The following DOT1L variants were observed in gnomAD, a reference collection of about 807,000 sequenced individuals.
The protein encoded by DOT1L is histone-lysine N-methyltransferase, H3 lysine-79 specific.
A neutral mutation model predicts 153.3 loss-of-function variants in DOT1L; 33 were observed. The ratio of observed to expected loss-of-function variants is 0.22; its 90% CI spans 0.16 to 0.29. DOT1L has a LOEUF of 0.29. DOT1L is among the 10% of genes least tolerant of loss of function. The pLI, the probability that DOT1L is intolerant of heterozygous loss-of-function variation, is 1.00. For synonymous variants in DOT1L, 1,135 were observed against 965.1 expected, an observed-to-expected ratio of 1.18 and a Z score of -3.26; for missense variants, 1,847 against 2,119.9, an observed-to-expected ratio of 0.87 and a Z score of 2.53.
At chr19:2,223,756 G>T (rs2024221087) in intron 25 of DOT1L, among the ~76,000 whole-genome samples, 1 of 152,334 alleles carries the variant, frequency 6.6e-6, no homozygotes, top group East Asian at 1.9e-4. Flanking sequence ...GAGCGCAGCA[G>T]GAGAGAAGCT....
Position 2,191,330 on chromosome 19 carries a change from A to T in DOT1L, c.493+90A>T. The T allele has an allele frequency of 7.3e-7, 1 of 1,366,404 alleles. No homozygotes were observed. The highest frequency in any genetic ancestry group is 2.3e-5 in the East Asian group (1 of 43,498). 84.6% of individuals were successfully genotyped at this position (1,366,404 alleles called of 1,614,324 possible). A position where few individuals can be genotyped will look rare whatever the true frequency, so the allele number is the denominator to read the frequency against. ...ATGCCTGCTTGGAGAAGAGTTTATC[A>T]GGGACTTGCGACGTTGGCGTGGACA... On this transcript the variant is annotated intron_variant, in intron 5 of 27. Coordinates refer to ENST00000398665, the MANE Select transcript of DOT1L (RefSeq NM_032482.3). This position sits in a 1 kb window ranked among gnomAD's most constrained non-coding sequence, Gnocchi z 6.8.
In DOT1L at chr19:2,216,703, G is replaced by T; in HGVS notation, c.2346G>T (p.Arg782Ser). The part of the protein sequence containing the change: ...TRLSPAKIVL[R>S]RHLSQDHTVP... Reference sequence around the variant, plus strand: ...TGTCCCCGGCCAAGATTGTGCTGAGGCGGCACCTGAGCCAGGACCACACGG... The same window carrying T: ...TGTCCCCGGCCAAGATTGTGCTGAGTCGGCACCTGAGCCAGGACCACACGG... Residue 782 changes from arginine to serine, a missense_variant, in exon 20 of 28, where the codon AGG becomes AGT. This residue lies in a region of DOT1L where 281 missense variants were observed against 263.6 expected (regional missense o/e 1.07). Transcript: ENST00000398665. 6.2e-7 allele frequency: 1 copy of T among 1,602,236 alleles called. No homozygotes were observed. Among genetic ancestry groups the T allele is most frequent in the Non-Finnish European group, 8.5e-7 (1 of 1,179,674 alleles).
intron 2 of DOT1L, among the ~76,000 whole-genome samples, chr19:2,183,783 T>C (rs1031689179): frequency 6.6e-6 from 1 of 151,920 alleles, no homozygotes; most frequent in Non-Finnish European, 1.5e-5. Context: ...CCCGTCACCA[T>C]GCCCAGCAAA....
intron 1 of DOT1L, among the ~76,000 whole-genome samples, chr19:2,179,683 A>G (rs922468715): frequency 6.6e-6 from 1 of 152,110 alleles, no homozygotes; most frequent in African/African-American, 2.4e-5. Context: ...GGCTCATGCC[A>G]GTAATCCCAG....
In DOT1L at chr19:2,217,040, C is replaced by A. The variant is rs986823780; in HGVS notation, c.2494C>A (p.Pro832Thr). Reference sequence around the variant, plus strand: ...GAAGCTGAGCCCTCAGGACCCGCGGCCCCTGTCCCCTGGGGCCTTGCAGCT... The same window carrying A: ...GAAGCTGAGCCCTCAGGACCCGCGGACCCTGTCCCCTGGGGCCTTGCAGCT... ...SMKLSPQDPR[P>T]LSPGALQLAG... is the part of the protein sequence containing the mutation. The change falls in exon 21 of 28, where the codon CCC becomes ACC. Residue 832 changes from proline (P) to threonine (T), a missense_variant. By Grantham distance (38) the Pro-to-Thr change is conservative. Transcript: ENST00000398665. The surrounding 1 kb of genome is among the most constrained non-coding windows in gnomAD (Gnocchi z 7.3). 1.2e-6 allele frequency: 2 copies of A among 1,612,218 alleles called. No homozygotes were observed. Among genetic ancestry groups the A allele is most frequent in the African/African-American group, 2.7e-5 (2 of 74,910 alleles).
chr19:2,180,863 T>C, intron 2 of DOT1L, 107 bp downstream of exon 2: 4 of 1,347,848 alleles, frequency 3.0e-6, no homozygotes, highest in Non-Finnish European at 3.1e-6. Context: ...AGGGGTGGAC[T>C]CCTGGAGGTG....
chr19:2,210,367 G>A (rs1486352878), intron 12 of DOT1L, 33 bp from the exon 13 acceptor site: 1 of 1,482,328 alleles, frequency 6.7e-7, no homozygotes, highest in Admixed American at 2.4e-5. Context: ...GCAGCGCTGG[G>A]GCTTCCTGTG....
At chr19:2,228,142 C>G in intron 27 of DOT1L, 1 of 1,364,970 alleles carries the variant, frequency 7.3e-7, no homozygotes, top group Non-Finnish European at 9.8e-7. Flanking sequence ...GCTAACGCCT[C>G]TTTGTCTATC....
Position 2,173,309 on chromosome 19 carries a change from A to G in DOT1L, c.82-7404A>G, listed in dbSNP as rs893201564. 2.0e-4 allele frequency among the ~76,000 whole-genome samples: 31 copies of G among 152,102 alleles called. 1 individual carries two copies. Among genetic ancestry groups the G allele is most frequent in the Admixed American group, 2.0e-3 (31 of 15,268 alleles). ...GTGTCTGTCAGCCTGTGCTCAGACGAGGGCGAGGAGAGTTCTGGTCAGCGC... is the reference window on the plus strand; with the variant it reads ...GTGTCTGTCAGCCTGTGCTCAGACGGGGGCGAGGAGAGTTCTGGTCAGCGC... On this transcript the variant is annotated intron_variant, in intron 1 of 27. Transcript: ENST00000398665.
At chr19:2,181,162 G>A (rs184070304) in intron 2 of DOT1L, among the ~76,000 whole-genome samples, 3 of 152,312 alleles carry the variant, frequency 2.0e-5, no homozygotes, top group East Asian at 1.9e-4. Flanking sequence ...TCCTGTCCTC[G>A]TAAGCTCCAG....
rs780744715 is a variant in DOT1L, at chr19:2,230,690, T to A, written c.*898T>A. 5.0e-6 allele frequency: 2 copies of A among 397,914 alleles called. No homozygotes were observed. Among genetic ancestry groups the A allele is most frequent in the Non-Finnish European group, 8.8e-6 (2 of 226,056 alleles). The allele number at this position is 397,914 out of a possible 1,614,324, so 24.6% of individuals were successfully genotyped here. The stretch of plus-strand genomic sequence containing the variant: ...TGAGAATTTATAAATTTCATAGATT[T>A]GACAGCTTTTATTTTTAGATGGTAT... On this transcript the variant is annotated 3_prime_UTR_variant, in exon 28 of 28. Coordinates refer to ENST00000398665, the MANE Select transcript of DOT1L (RefSeq NM_032482.3).
chr19:2,200,851 T>C (rs1228142149), intron 8 of DOT1L, among the ~76,000 whole-genome samples: 1 of 104,898 alleles, frequency 9.5e-6, no homozygotes, highest in Admixed American at 1.0e-4. Flanking sequence ...CGTCCTCCCC[T>C]CATTCCTCAT....
intron 7 of DOT1L, 51 bp from the exon 8 acceptor site, chr19:2,199,833 G>C: frequency 6.7e-7 from 1 of 1,497,424 alleles, no homozygotes. Context: ...GGGCGGGCTG[G>C]GAGTGCCAGG....
Position 2,200,225 on chromosome 19 carries a change from C to T in DOT1L, c.707+286C>T, listed in dbSNP as rs920919190. Among the ~76,000 whole-genome samples the T allele has an allele frequency of 3.9e-5, 6 of 152,050 alleles. No individual in the cohort carries two copies. In the South Asian group the frequency reaches 6.2e-4, roughly 16 times the overall value. On this transcript the variant is annotated intron_variant, in intron 8 of 27. Coordinates refer to ENST00000398665, the MANE Select transcript of DOT1L (RefSeq NM_032482.3). ...ACTTTGGGACACTGTGGGCCCCTCT[C>T]GCCTGGTTTCCTGGGCCTCCTCCCC...
rs1053415101 is a variant in DOT1L, at chr19:2,207,256, G to T, written c.857-318G>T. 6.6e-6 allele frequency among the ~76,000 whole-genome samples: 1 copy of T among 152,228 alleles called. No individual in the cohort carries two copies. Among genetic ancestry groups the T allele is most frequent in the Non-Finnish European group, 1.5e-5 (1 of 68,030 alleles). On this transcript the variant is annotated intron_variant, in intron 10 of 27. Transcript: ENST00000398665. This position sits in a 1 kb window ranked among gnomAD's most constrained non-coding sequence, Gnocchi z 4.5. ...CCTGAGGAGCGCCCACCCGGGAGGT[G>T]CCTGTGTTGCTGGATGCTGGCCGTT...
chr19:2,191,077 C>A lies in DOT1L; in HGVS notation c.330C>A (p.Ile110=), dbSNP rs369416791. 1 of 1,612,698 alleles carries A rather than the reference C, an allele frequency of 6.2e-7. No individual in the cohort carries two copies. The highest frequency in any genetic ancestry group is 8.5e-7 in the Non-Finnish European group (1 of 1,179,832). Residue 110 remains isoleucine (I), a synonymous_variant, in exon 5 of 28, where the codon ATC becomes ATA. Coordinates refer to ENST00000398665, the MANE Select transcript of DOT1L (RefSeq NM_032482.3). The surrounding 1 kb of genome is among the most constrained non-coding windows in gnomAD (Gnocchi z 6.8). ...CGTCCACTGGACTCCTGCGCCATATCCTGCAGCAGGTCTACAACCACTCGG... is the reference window on the plus strand; with the variant it reads ...CGTCCACTGGACTCCTGCGCCATATACTGCAGCAGGTCTACAACCACTCGG... ...TRPSTGLLRH[I]LQQVYNHSVT... is the part of the protein sequence containing the mutation.
At position 2,189,775 on chromosome 19, in the gene DOT1L, A is replaced by G; in HGVS notation, c.244A>G (p.Ile82Val). Residue 82 changes from isoleucine (I) to valine (V), a missense_variant, in exon 4 of 28, where the codon ATC becomes GTC. Ile to Val is a conservative substitution (Grantham distance 29, BLOSUM62 3). Around this residue, in one of 8 missense-constraint regions of DOT1L, gnomAD observed 148 missense variants for 422.3 expected, o/e 0.35. Transcript: ENST00000398665. ...QRLCDKYNRA[I>V]DSIHQLWKGT... ...GCTCTGCGACAAGTACAACCGTGCC[A>G]TCGACAGCATCCACCAGCTGGTAGG... 1 of 1,612,172 alleles carries G rather than the reference A, an allele frequency of 6.2e-7. No homozygotes were observed. The highest frequency in any genetic ancestry group is 8.5e-7 in the Non-Finnish European group (1 of 1,179,996).
intron 7 of DOT1L, among the ~76,000 whole-genome samples, chr19:2,196,327 G>A (rs1270654085): frequency 6.6e-6 from 1 of 152,192 alleles, no homozygotes; most frequent in Non-Finnish European, 1.5e-5. Context: ...CAGGAGTTCG[G>A]ACACATTTTT....
chr19:2,189,660 A>G (rs2022701774), intron 3 of DOT1L, 72 bp from the exon 4 acceptor site: 6 of 1,558,692 alleles, frequency 3.8e-6, no homozygotes, highest in Non-Finnish European at 4.4e-6. Flanking sequence ...TGCCTTATCC[A>G]CATGCTGTCC....
Sources: gnomAD v4.1 joint callset for allele counts (sites outside exome capture counted in the v4.1 genomes callset) on GRCh38, gnomAD v4.1.1 for gene constraint, gnomAD v4.1.1 regional missense constraint, Gnocchi (gnomAD v3.1) non-coding constraint, MANE v1.5 for transcripts, NCBI Gene and HGNC (gene_info 2026-07-23, HGNC 2026-07-21) for gene names.